PRKD3: variants seen among roughly 807,000 people sequenced by gnomAD.
The protein encoded by PRKD3 is protein kinase D3.
A neutral mutation model predicts 99.2 loss-of-function variants in PRKD3; 47 were observed. That is an observed-to-expected ratio of 0.47 (90% CI 0.38 to 0.60). The LOEUF is 0.60. Among genes scored for constraint, PRKD3 ranks in the 20% least tolerant of loss-of-function variants. PRKD3 has a pLI of 0.00. For synonymous variants in PRKD3, 392 were observed against 355.4 expected, an observed-to-expected ratio of 1.10 and a Z score of -1.16; for missense variants, 1,019 against 1,088.4, an observed-to-expected ratio of 0.94 and a Z score of 0.90.
chr2:37,278,224 C>CAAA, intron 8 of PRKD3: 1 of 203,472 alleles, frequency 4.9e-6, no homozygotes, highest in Non-Finnish European at 9.6e-6. Flanking sequence ...TGGAGGGCCA[C>CAAA]AAAAAAAAAA....
intron 18 of PRKD3, among the ~76,000 whole-genome samples, chr2:37,253,641 T>C (rs1667696763): frequency 6.6e-6 from 1 of 152,204 alleles, no homozygotes; most frequent in African/African-American, 2.4e-5. Context: ...CTAAAACATT[T>C]TGTTCTATAC....
At position 37,308,606 on chromosome 2, in the gene PRKD3, C is replaced by T. The variant is rs1217101677; in HGVS notation, c.288+7631G>A. ...AGTAGTTGGGATTATAGGCACCTGC[C>T]ACCACACCTGGCTAGTTTTTGTATT... On this transcript the variant is annotated intron_variant, in intron 2 of 18. Transcript: ENST00000234179. 2.0e-5 allele frequency among the ~76,000 whole-genome samples: 3 copies of T among 151,366 alleles called. No homozygotes were observed. In the East Asian group the frequency reaches 5.9e-4, roughly 30 times the overall value.
chr2:37,272,368 A>G lies in PRKD3; in HGVS notation c.1704+12T>C. ...TCACCCAGTTTACACATTAGCTATA[A>G]CGATTACTTACCACATTCTCCTGAA... On this transcript the variant is annotated intron_variant, in intron 12 of 18. Coordinates refer to ENST00000234179, the MANE Select transcript of PRKD3 (RefSeq NM_005813.6). 1 of 1,604,060 alleles carries G rather than the reference A, an allele frequency of 6.2e-7. No homozygotes were observed. Among genetic ancestry groups the G allele is most frequent in the Non-Finnish European group, 8.5e-7 (1 of 1,177,326 alleles).
At chr2:37,315,761 G>A (rs1671629713) in intron 2 of PRKD3, among the ~76,000 whole-genome samples, 1 of 152,102 alleles carries the variant, frequency 6.6e-6, no homozygotes. Flanking sequence ...CTGTTGCCGT[G>A]CCAGGCTGGA....
rs1480812610 is a variant in PRKD3 at position 37,251,220 on chromosome 2, AATTTG to A, written c.*1952_*1956del. On this transcript the variant is annotated 3_prime_UTR_variant, in exon 19 of 19. Transcript: ENST00000234179. ...TAAAAAAAAATTTTTTTTGAAAATTAATTTGATTTAATCTTTGAAGCTTCTATAGA... is the reference window on the plus strand; with the variant it reads ...TAAAAAAAAATTTTTTTTGAAAATTAATTTAATCTTTGAAGCTTCTATAGA... 1 of 152,602 alleles carries A rather than the reference AATTTG, an allele frequency of 6.6e-6. No homozygotes were observed. Among genetic ancestry groups the A allele is most frequent in the Non-Finnish European group, 1.5e-5 (1 of 68,024 alleles). 9.5% of individuals were successfully genotyped at this position (152,602 alleles called of 1,614,324 possible).
intron 2 of PRKD3, among the ~76,000 whole-genome samples, chr2:37,309,370 CTAATTCTTGGGCA>C (rs1300404227): frequency 6.6e-6 from 1 of 151,912 alleles, no homozygotes; most frequent in Non-Finnish European, 1.5e-5. Flanking sequence ...TTCCAACAGT[CTAATTCTTGGGCA>C]TGTGTATACA....
At chr2:37,289,282 G>C in intron 5 of PRKD3, 74 bp downstream of exon 5, 3 of 1,480,358 alleles carry the variant, frequency 2.0e-6, no homozygotes, top group Non-Finnish European at 1.8e-6. Context: ...TTATGTTCTA[G>C]AGTGATGTCA....
chr2:37,303,090 A>G (rs940438528), intron 2 of PRKD3, among the ~76,000 whole-genome samples: 1 of 152,168 alleles, frequency 6.6e-6, no homozygotes, highest in African/African-American at 2.4e-5. Context: ...AGAGAGAAGC[A>G]GCTTGACTGG....
intron 2 of PRKD3, among the ~76,000 whole-genome samples, chr2:37,308,815 T>A (rs1451942961): frequency 2.0e-5 from 3 of 147,488 alleles, no homozygotes; most frequent in Non-Finnish European, 4.5e-5. Context: ...AAACTAGTTT[T>A]TTAAGCTCTG....
rs756206161 is a variant in PRKD3 at position 37,286,388 on chromosome 2, T to C, written c.718-19A>G. The C allele has an allele frequency of 7.6e-5, 122 of 1,602,786 alleles. No individual in the cohort carries two copies. The highest frequency in any genetic ancestry group is 9.7e-5 in the Non-Finnish European group (114 of 1,170,612). On this transcript the variant is annotated intron_variant, in intron 5 of 18. Coordinates refer to ENST00000234179, the MANE Select transcript of PRKD3 (RefSeq NM_005813.6). ...CATGTGACTATAACATAAGTAATTT[T>C]CATAAGTGTAAGTCAATATTAAAAA...
rs1667746597 is a variant in PRKD3, at chr2:37,254,134, A to C, written c.2499+70T>G. The C allele has an allele frequency of 2.6e-6, 3 of 1,150,070 alleles. No individual in the cohort carries two copies. In the South Asian group the frequency reaches 3.7e-5, roughly 14 times the overall value. 71.2% of individuals were successfully genotyped at this position (1,150,070 alleles called of 1,614,324 possible). On this transcript the variant is annotated intron_variant, in intron 18 of 18. Coordinates refer to ENST00000234179, the MANE Select transcript of PRKD3 (RefSeq NM_005813.6). ...ATTCTGCTGATCTTAGAGTGGTCTC[A>C]TTAGGTGGGACAAATCAGAGTGAAC...
chr2:37,295,092 AACTC>A (rs994495144), intron 2 of PRKD3, among the ~76,000 whole-genome samples: 1 of 152,098 alleles, frequency 6.6e-6, no homozygotes, highest in Non-Finnish European at 1.5e-5. Context: ...CAAACAAACA[AACTC>A]ACTCACTCTA....
At chr2:37,314,038 A>T (rs577475404) in intron 2 of PRKD3, among the ~76,000 whole-genome samples, 2 of 152,330 alleles carry the variant, frequency 1.3e-5, no homozygotes, top group South Asian at 4.2e-4. Flanking sequence ...AATCAAAGAA[A>T]AGAACTGATA....
intron 17 of PRKD3, among the ~76,000 whole-genome samples, chr2:37,255,675 G>A (rs958847019): frequency 3.3e-5 from 5 of 152,160 alleles, no homozygotes; most frequent in Admixed American, 6.6e-5. Flanking sequence ...TTGTTCTGAA[G>A]ATTAGAAAAG....
Position 37,274,430 on chromosome 2 carries a change from TC to T in PRKD3, c.1641del (p.Asp549IlefsTer58). The T allele has an allele frequency of 1.9e-6, 3 of 1,614,094 alleles. No individual in the cohort carries two copies. The South Asian group carries it at 3.3e-5, about 18-fold the overall frequency. ...GAAGTTTATTGCTTACTGTGATCTT[TC>T]CCTTGCCCTGGAGAAGTGCAAACAC... ...QASVCTSPGQGKDHKDLSTSI... is the reference protein window; with the variant it reads ...QASVCTSPGQXKDHKDLSTSI... On this transcript the variant is annotated frameshift_variant, in exon 11 of 19. Coordinates refer to ENST00000234179, the MANE Select transcript of PRKD3 (RefSeq NM_005813.6). LOFTEE classifies it high-confidence loss of function.
chr2:37,298,427 A>G (rs563077189), intron 2 of PRKD3, among the ~76,000 whole-genome samples: 2 of 152,088 alleles, frequency 1.3e-5, no homozygotes, highest in Admixed American at 6.5e-5. Context: ...TTTTTTAAAA[A>G]CAGATGTATA....
intron 1 of PRKD3, among the ~76,000 whole-genome samples, chr2:37,318,082 CA>C (rs1310889022): frequency 2.0e-5 from 3 of 151,752 alleles, no homozygotes; most frequent in Non-Finnish European, 4.4e-5. Context: ...TAAATAATTC[CA>C]ATGAAGAGAA....
intron 1 of PRKD3, among the ~76,000 whole-genome samples, chr2:37,319,549 T>C (rs1269964787): frequency 6.6e-6 from 1 of 152,176 alleles, no homozygotes; most frequent in Admixed American, 6.5e-5. Context: ...AAATGCTTAC[T>C]TGTAAGCAGT....
At position 37,253,356 on chromosome 2, in the gene PRKD3, AG is replaced by A; in HGVS notation, c.2500-7del. The A allele has an allele frequency of 1.3e-6, 2 of 1,595,042 alleles. No homozygotes were observed. Among genetic ancestry groups the A allele is most frequent in the South Asian group, 2.3e-5 (2 of 88,348 alleles). On this transcript the variant is annotated splice_polypyrimidine_tract_variant and splice_region_variant and intron_variant, in intron 18 of 18. Coordinates refer to ENST00000234179, the MANE Select transcript of PRKD3 (RefSeq NM_005813.6). ...TCAAGCCAAGTCTGATAGTCCTAGGAGAAAATGAAATTGTAATGATGAAACA... is the reference window on the plus strand; with the variant it reads ...TCAAGCCAAGTCTGATAGTCCTAGGAAAAATGAAATTGTAATGATGAAACA...
Sources: allele counts gnomAD v4.1 joint callset (sites outside exome capture counted in the v4.1 genomes callset), GRCh38; gene constraint gnomAD v4.1.1; transcripts MANE v1.5; gene names NCBI Gene and HGNC (gene_info 2026-07-23, HGNC 2026-07-21).